The following TENM1 variants were observed in gnomAD, a reference collection of about 807,000 sequenced individuals.
TENM1 encodes the protein teneurin transmembrane protein 1, also known as teneurin-1.
Under a neutral mutation model 174.8 loss-of-function variants are expected in TENM1, and 35 were observed. That is an observed-to-expected ratio of 0.20 (90% confidence interval 0.15 to 0.27). The LOEUF (loss-of-function observed/expected upper bound fraction) is 0.27. Ranked by LOEUF, TENM1 falls within the 10% of genes least tolerant of loss-of-function variation. The probability of loss-of-function intolerance (pLI) is 1.00; values close to 1 mark genes in which losing one functional copy is unlikely to be tolerated. For synonymous variants in TENM1, 781 were observed against 798.7 expected (o/e 0.98, Z 0.37); for missense variants, 1,633 against 2,130.1 (o/e 0.77, Z 4.59).
the TENM1 span, among the ~76,000 whole-genome samples, chrX:125,160,690 C>T: frequency 2.7e-5 from 3 of 109,567 alleles, no homozygotes; most frequent in Non-Finnish European, 3.8e-5. Context: ...CAGATATCCT[C>T]GCTCCTCCAC....
intron 5 of TENM1, among the ~76,000 whole-genome samples, chrX:124,692,986 C>A (rs1369867493): frequency 9.7e-5 from 8 of 82,147 alleles, no homozygotes; most frequent in Non-Finnish European, 1.5e-4. Context: ...CCAGCCTGGG[C>A]GACAAGAGTG....
intron 1 of TENM1, among the ~76,000 whole-genome samples, chrX:124,944,308 G>T (rs1317539701): frequency 9.0e-6 from 1 of 111,172 alleles, no homozygotes; most frequent in Non-Finnish European, 1.9e-5. Context: ...AATCACAAAG[G>T]CTTGTAAGCC....
chrX:124,614,076 G>A (rs1278552218), intron 11 of TENM1, among the ~76,000 whole-genome samples: 1 of 111,631 alleles, frequency 9.0e-6, no homozygotes, highest in Non-Finnish European at 1.9e-5. Context: ...TGTTTTCTGG[G>A]GGGGTTGGGG....
intron 18 of TENM1, 111 bp downstream of exon 21, chrX:124,520,406 C>T: frequency 1.2e-6 from 1 of 840,505 alleles, no homozygotes; most frequent in Non-Finnish European, 1.7e-6. Context: ...GCCTTAGGTC[C>T]TTTAAACAGA....
intron 23 of TENM1, among the ~76,000 whole-genome samples, chrX:124,452,130 A>G (rs1430778780): frequency 8.9e-6 from 1 of 112,581 alleles, no homozygotes; most frequent in Non-Finnish European, 1.9e-5. Context: ...TCATCTGACA[A>G]AGGGCTAATA....
At chrX:124,757,571 A>G (rs952076631) in intron 3 of TENM1, among the ~76,000 whole-genome samples, 9 of 112,506 alleles carry the variant, frequency 8.0e-5, no homozygotes, top group Admixed American at 1.9e-4. Flanking sequence ...TGCAGAAATC[A>G]GCCGTCTTCT....
At chrX:125,046,843 T>G in the TENM1 span, among the ~76,000 whole-genome samples, 1 of 99,065 alleles carries the variant, frequency 1.0e-5, no homozygotes, top group African/African-American at 4.0e-5. Context: ...TGCATGTGTG[T>G]GTGTGTGTGC....
At chrX:124,408,384 TC>T (rs2060487444) in intron 25 of TENM1, among the ~76,000 whole-genome samples, 1 of 25,025 alleles carries the variant, frequency 4.0e-5, no homozygotes, top group African/African-American at 1.8e-4. Context: ...CTCATGTGAT[TC>T]CCCCTGCCTC....
At chrX:124,824,182 TGC>T (rs2056104520) in intron 3 of TENM1, among the ~76,000 whole-genome samples, 1 of 112,217 alleles carries the variant, frequency 8.9e-6, no homozygotes, top group Admixed American at 9.5e-5. Context: ...ATGAGGAATT[TGC>T]TTTTTTGACA....
At chrX:124,907,143 T>C (rs1018174344) in intron 1 of TENM1, among the ~76,000 whole-genome samples, 2 of 112,091 alleles carry the variant, frequency 1.8e-5, no homozygotes, top group Non-Finnish European at 3.8e-5. Flanking sequence ...GCTTGCCTAA[T>C]TTAAATGGCC....
intron 25 of TENM1, among the ~76,000 whole-genome samples, chrX:124,406,835 T>C (rs775953761): frequency 1.9e-4 from 21 of 110,781 alleles, no homozygotes; most frequent in African/African-American, 6.9e-4. Context: ...CCATTAGAGG[T>C]GATGGATTAC....
intron 22 of TENM1, among the ~76,000 whole-genome samples, chrX:124,459,906 T>G (rs2061150050): frequency 9.0e-6 from 1 of 111,368 alleles, no homozygotes; most frequent in African/African-American, 3.3e-5. Context: ...ACCCCATTAA[T>G]AAGTGGGCAA....
intron 9 of TENM1, among the ~76,000 whole-genome samples, chrX:124,646,264 C>G (rs2051156091): frequency 8.9e-6 from 1 of 112,173 alleles, no homozygotes; most frequent in African/African-American, 3.2e-5. Context: ...TGATAACCCA[C>G]CCCTTCCACA....
intron 11 of TENM1, among the ~76,000 whole-genome samples, chrX:124,602,462 T>G (rs2050051745): frequency 9.0e-6 from 1 of 111,072 alleles, no homozygotes; most frequent in Non-Finnish European, 1.9e-5. Flanking sequence ...TAATGAAGCT[T>G]TGTTAAAATA....
the TENM1 span, among the ~76,000 whole-genome samples, chrX:125,137,020 G>A: frequency 3.6e-5 from 4 of 111,175 alleles, no homozygotes; most frequent in Admixed American, 9.6e-5. Context: ...AGACAGACCC[G>A]AGTTCATAAT....
In TENM1 at chrX:124,487,625, T is replaced by A. The variant is rs2046979629; in HGVS notation, c.3696-396A>T. ...CCTGGAAATTTTACTTTTAACAAAG[T>A]TGGCTGGCAATTCTGATGCAAAATA... On this transcript the variant is annotated intron_variant, in intron 20 of 31. Transcript: ENST00000422452. Among the ~76,000 whole-genome samples, 3 of 111,750 alleles carry A rather than the reference T, an allele frequency of 2.7e-5. No homozygotes were observed. In the South Asian group the frequency reaches 1.1e-3, roughly 42 times the overall value.
At chrX:124,408,034 G>A (rs1010312332) in intron 25 of TENM1, among the ~76,000 whole-genome samples, 4 of 111,935 alleles carry the variant, frequency 3.6e-5, no homozygotes, top group African/African-American at 1.3e-4. Context: ...GCTACAAGAA[G>A]CAGAAGAACG....
At chrX:124,775,206 T>C (rs1158646087) in intron 3 of TENM1, among the ~76,000 whole-genome samples, 1 of 107,134 alleles carries the variant, frequency 9.3e-6, no homozygotes, top group Non-Finnish European at 1.9e-5. Context: ...CTCAGGAGGC[T>C]GAGGCAGGAG....
At chrX:124,692,469 C>T (rs757890388) in intron 5 of TENM1, among the ~76,000 whole-genome samples, 2 of 110,215 alleles carry the variant, frequency 1.8e-5, no homozygotes, top group South Asian at 7.7e-4. Flanking sequence ...TATTATAATA[C>T]ATTAAAAAGG....
Sources: gnomAD v4.1 joint callset for allele counts (sites outside exome capture counted in the v4.1 genomes callset) on GRCh38, gnomAD v4.1.1 for gene constraint, MANE v1.5 for transcripts, NCBI Gene and HGNC (gene_info 2026-07-23, HGNC 2026-07-21) for gene names.